GMEB1: variants seen among roughly 807,000 people sequenced by gnomAD.
GMEB1 encodes the protein glucocorticoid modulatory element binding protein 1.
Under a neutral mutation model 52.4 loss-of-function variants are expected in GMEB1, and 6 were observed. The observed-to-expected ratio is 0.11, with a 90% CI of 0.06 to 0.23. GMEB1 has a LOEUF of 0.23. Among genes scored for constraint, GMEB1 ranks in the 10% least tolerant of loss-of-function variants. The pLI is 1.00. For synonymous variants in GMEB1, 255 were observed against 244.9 expected (o/e 1.04, Z -0.38); for missense variants, 486 against 685.6 (o/e 0.71, Z 3.25).
At chr1:28,684,674 A>G (rs1042702358) in intron 2 of GMEB1, among the ~76,000 whole-genome samples, 1 of 151,976 alleles carries the variant, frequency 6.6e-6, no homozygotes, top group African/African-American at 2.4e-5. Flanking sequence ...TCACTCATAA[A>G]TGGGAGTTAA....
At chr1:28,706,430 C>A (rs911661417) in intron 8 of GMEB1, among the ~76,000 whole-genome samples, 19 of 151,786 alleles carry the variant, frequency 1.3e-4, no homozygotes, top group Non-Finnish European at 2.2e-4. Context: ...CATGGTGAAA[C>A]CCTGTCTCTA....
At chr1:28,712,869 T>C (rs1671123445) in intron 9 of GMEB1, among the ~76,000 whole-genome samples, 1 of 150,388 alleles carries the variant, frequency 6.6e-6, no homozygotes, top group Non-Finnish European at 1.5e-5. Flanking sequence ...TTTACCACGC[T>C]GGGCCGGGCA....
chr1:28,689,850 A>G, intron 2 of GMEB1: 1 of 355,974 alleles, frequency 2.8e-6, no homozygotes, highest in Non-Finnish European at 5.0e-6. Context: ...AAGTGGTGGT[A>G]TAAATAAATA....
intron 1 of GMEB1, among the ~76,000 whole-genome samples, chr1:28,679,211 T>TC (rs1669289909): frequency 6.7e-6 from 1 of 148,596 alleles, no homozygotes; most frequent in Admixed American, 6.7e-5. Flanking sequence ...GGAGTTTCGC[T>TC]TTCTTGCCCA....
At chr1:28,684,211 T>C (rs899469064) in intron 2 of GMEB1, among the ~76,000 whole-genome samples, 1 of 152,132 alleles carries the variant, frequency 6.6e-6, no homozygotes, top group Non-Finnish European at 1.5e-5. Flanking sequence ...TTTCATAACA[T>C]ATTTTATTTA....
rs1157094477 is a variant in GMEB1 at position 28,687,381 on chromosome 1, C to CAAA, written c.129-2722_129-2721insAAA. 6.6e-4 allele frequency among the ~76,000 whole-genome samples: 18 copies of CAAA among 27,162 alleles called. 3 individuals are homozygous for CAAA. The highest frequency in any genetic ancestry group is 1.5e-3 in the Admixed American group (3 of 1,944). The allele number at this position is 27,162 out of a possible 152,430, so 17.8% of individuals were successfully genotyped here. On this transcript the variant is annotated intron_variant, in intron 2 of 9. Transcript: ENST00000373816. ...ACACACACACACACACACACACACA[C>CAAA]ACACACAAAAAAAGACAGTGGAGAA...
chr1:28,714,087 T>C lies in GMEB1; in HGVS notation c.1006T>C (p.Leu336=). 3 of 1,609,010 alleles carry C rather than the reference T, an allele frequency of 1.9e-6. No homozygotes were observed. Among genetic ancestry groups the C allele is most frequent in the Non-Finnish European group, 2.6e-6 (3 of 1,175,938 alleles). The change falls in exon 10 of 10, where the codon TTG becomes CTG. Residue 336 remains leucine, a synonymous_variant. Transcript: ENST00000373816. ...LYTLTDLERQ[L]EEQKKQGQDH... ...TTTTTCCATAGACTTGGAACGCCAGTTGGAGGAGCAGAAGAAGCAAGGCCA... is the reference window on the plus strand; with the variant it reads ...TTTTTCCATAGACTTGGAACGCCAGCTGGAGGAGCAGAAGAAGCAAGGCCA...
At chr1:28,706,143 G>A (rs1041379118) in intron 8 of GMEB1, among the ~76,000 whole-genome samples, 1 of 149,238 alleles carries the variant, frequency 6.7e-6, no homozygotes, top group Non-Finnish European at 1.5e-5. Context: ...GGAAGAGCGA[G>A]AGACTCCATC....
intron 5 of GMEB1, among the ~76,000 whole-genome samples, chr1:28,696,278 G>A (rs1001877829): frequency 1.3e-5 from 2 of 151,868 alleles, no homozygotes; most frequent in Admixed American, 6.6e-5. Context: ...TGTTGGACAC[G>A]CTGGTCTCAA....
chr1:28,671,355 G>A (rs527950899), intron 1 of GMEB1, among the ~76,000 whole-genome samples: 2 of 152,042 alleles, frequency 1.3e-5, no homozygotes, highest in Non-Finnish European at 2.9e-5. Flanking sequence ...CTGCAAACTC[G>A]ATCCTCTCAG....
At chr1:28,681,725 G>A (rs375419138) in intron 1 of GMEB1, among the ~76,000 whole-genome samples, 5 of 151,862 alleles carry the variant, frequency 3.3e-5, no homozygotes, top group African/African-American at 7.3e-5. Context: ...TCTTTGAGAC[G>A]GAGTTTCGCT....
At chr1:28,706,157 AAAATAAAT>A (rs144208028) in intron 8 of GMEB1, among the ~76,000 whole-genome samples, 19 of 150,114 alleles carry the variant, frequency 1.3e-4, no homozygotes, top group South Asian at 8.5e-4. Context: ...CTCCATCTCA[AAAATAAAT>A]AAATAAATAA....
At chr1:28,706,659 CTTAT>C (rs546303576) in intron 8 of GMEB1, among the ~76,000 whole-genome samples, 1 of 149,614 alleles carries the variant, frequency 6.7e-6, no homozygotes, top group Non-Finnish European at 1.5e-5. Flanking sequence ...TCAGTGAATT[CTTAT>C]TTATTTATTT....
rs1437332961 is a variant in GMEB1, at chr1:28,671,705, C to T, written c.-31+2866C>T. ...GTTGCAGTGAGCCGAGAGCGCACCA[C>T]TGCTCTCCGGCCTGGGTGACAGAGT... On this transcript the variant is annotated intron_variant, in intron 1 of 9. Transcript: ENST00000373816. Among the ~76,000 whole-genome samples the T allele has an allele frequency of 4.0e-5, 6 of 151,548 alleles. No individual in the cohort carries two copies. In the East Asian group the frequency reaches 1.2e-3, roughly 30 times the overall value.
intron 1 of GMEB1, among the ~76,000 whole-genome samples, chr1:28,682,876 A>G (rs1425656709): frequency 6.6e-6 from 1 of 152,142 alleles, no homozygotes; most frequent in Non-Finnish European, 1.5e-5. Flanking sequence ...ACTCTCTGGA[A>G]AAACAAAATA....
At chr1:28,682,435 C>G (rs764389116) in intron 1 of GMEB1, among the ~76,000 whole-genome samples, 1 of 151,892 alleles carries the variant, frequency 6.6e-6, no homozygotes, top group Non-Finnish European at 1.5e-5. Flanking sequence ...GCCTGGCCAA[C>G]ACGGTGAAAT....
chr1:28,710,395 A>G (rs1670993012), intron 8 of GMEB1, 125 bp from the exon 9 acceptor site: 1 of 560,208 alleles, frequency 1.8e-6, no homozygotes, highest in Non-Finnish European at 2.9e-6. Context: ...TTTGTTAAAA[A>G]TGTGTTAAAA....
chr1:28,684,640 C>T (rs60627920), intron 2 of GMEB1, among the ~76,000 whole-genome samples: 21,965 of 150,578 alleles, frequency 0.15, 1,957 homozygotes, highest in Non-Finnish European at 0.19. Context: ...AACACAGGAA[C>T]AGAAAACCAA....
At position 28,672,125 on chromosome 1, in the gene GMEB1, A is replaced by T. The variant is rs140039351; in HGVS notation, c.-31+3286A>T. 5.9e-3 allele frequency among the ~76,000 whole-genome samples: 902 copies of T among 151,746 alleles called. 10 individuals are homozygous for T. Among genetic ancestry groups the T allele is most frequent in the African/African-American group, 0.02 (821 of 41,424 alleles). On this transcript the variant is annotated intron_variant, in intron 1 of 9. Coordinates refer to ENST00000373816, the MANE Select transcript of GMEB1 (RefSeq NM_001319674.2). ...GAAACTCCGTCTCAAAAAAAAAATTAAATAAATATTTTGGGGTTAGAAAAT... is the reference window on the plus strand; with the variant it reads ...GAAACTCCGTCTCAAAAAAAAAATTTAATAAATATTTTGGGGTTAGAAAAT...
Sources: gnomAD v4.1 joint callset for allele counts (sites outside exome capture counted in the v4.1 genomes callset) on GRCh38, gnomAD v4.1.1 for gene constraint, MANE v1.5 for transcripts, NCBI Gene and HGNC (gene_info 2026-07-23, HGNC 2026-07-21) for gene names.